The following EGFL8 variants were observed in gnomAD, a reference collection of about 807,000 sequenced individuals.
EGFL8 encodes epidermal growth factor-like protein 8.
In EGFL8, 32 loss-of-function variants were observed where a neutral mutation model predicts 39.4. The observed-to-expected ratio is 0.81, with a 90% CI of 0.61 to 1.09. The LOEUF is 1.09. Ranked by LOEUF, EGFL8 falls within the 50% of genes least tolerant of loss-of-function variation. EGFL8 has a pLI of 0.00. For missense variants in EGFL8, 385 were observed against 402.2 expected, an observed-to-expected ratio of 0.96 and a Z score of 0.37; for synonymous variants, 177 against 168.5, an observed-to-expected ratio of 1.05 and a Z score of -0.39.
In EGFL8 at chr6:32,166,006, T is replaced by G. The variant is rs1784451824; in HGVS notation, c.-28-132T>G. The G allele has an allele frequency of 4.3e-6, 3 of 693,704 alleles. No homozygotes were observed. The highest frequency in any genetic ancestry group is 7.8e-6 in the Non-Finnish European group (3 of 384,136). 43.0% of individuals were successfully genotyped at this position (693,704 alleles called of 1,614,324 possible). On this transcript the variant is annotated intron_variant, in intron 1 of 8. Transcript: ENST00000333845. This position sits in a 1 kb window ranked among gnomAD's most constrained non-coding sequence, Gnocchi z 7.3. ...TTGTACACACAGGTGTAGGCAATCCTGGTGGCTAGTATGTAAAAGTGAATG... is the reference window on the plus strand; with the variant it reads ...TTGTACACACAGGTGTAGGCAATCCGGGTGGCTAGTATGTAAAAGTGAATG...
In EGFL8 at chr6:32,167,363, A is replaced by C; in HGVS notation, c.615A>C (p.Glu205Asp). 6.2e-7 allele frequency: 1 copy of C among 1,613,074 alleles called. No homozygotes were observed. The highest frequency in any genetic ancestry group is 1.1e-5 in the South Asian group (1 of 91,084). Residue 205 changes from glutamate to aspartate, a missense_variant, in exon 7 of 9, where the codon GAA becomes GAC. Glu to Asp is a conservative substitution (Grantham distance 45). Transcript: ENST00000333845. The surrounding 1 kb of genome is among the most constrained non-coding windows in gnomAD (Gnocchi z 6.4). ...CTTTGTCCCTAGTTCGGGAGGCGGA[A>C]AAAGATGAGCGCGCTCTGAAGCAGG... Reference protein sequence around the residue: ...SILSVAVREAEKDERALKQEI... With the variant: ...SILSVAVREADKDERALKQEI...
chr6:32,166,527 T>A lies in EGFL8; in HGVS notation c.131T>A (p.Val44Glu). 6.2e-7 allele frequency: 1 copy of A among 1,613,828 alleles called. No individual in the cohort carries two copies. Among genetic ancestry groups the A allele is most frequent in the South Asian group, 1.1e-5 (1 of 91,086 alleles). ...SQGVCSKQTL[V>E]VPLHYNESYS... ...GGAGTCTGCTCCAAGCAGACACTGGTGGTCCCGCTCCACTACAACGAGTCC... is the reference window on the plus strand; with the variant it reads ...GGAGTCTGCTCCAAGCAGACACTGGAGGTCCCGCTCCACTACAACGAGTCC... The change falls in exon 3 of 9, where the codon GTG becomes GAG. Residue 44 changes from valine to glutamate, a missense_variant. By Grantham distance (121) the Val-to-Glu change is moderately radical (BLOSUM62 -2). Transcript: ENST00000333845. The surrounding 1 kb of genome is among the most constrained non-coding windows in gnomAD (Gnocchi z 7.3).
Position 32,168,007 on chromosome 6 carries a change from C to G in EGFL8, c.*51C>G. On this transcript the variant is annotated 3_prime_UTR_variant, in exon 9 of 9. Coordinates refer to ENST00000333845, the MANE Select transcript of EGFL8 (RefSeq NM_030652.4). This position sits in a 1 kb window ranked among gnomAD's most constrained non-coding sequence, Gnocchi z 4.5. Reference sequence around the variant, plus strand: ...CTAATTTATACAGAAACCGGACCCACTAATCCTCTGGGATTGGCCGACTGT... The same window carrying G: ...CTAATTTATACAGAAACCGGACCCAGTAATCCTCTGGGATTGGCCGACTGT... 6.3e-7 allele frequency: 1 copy of G among 1,583,360 alleles called. No individual in the cohort carries two copies. Among genetic ancestry groups the G allele is most frequent in the Non-Finnish European group, 8.7e-7 (1 of 1,152,246 alleles).
rs1268008014 is a variant in EGFL8, at chr6:32,166,074, G to A, written c.-28-64G>A. 1.5e-6 allele frequency: 2 copies of A among 1,296,486 alleles called. No homozygotes were observed. Among genetic ancestry groups the A allele is most frequent in the Non-Finnish European group, 2.2e-6 (2 of 898,652 alleles). The allele number at this position is 1,296,486 out of a possible 1,614,324, so 80.3% of individuals were successfully genotyped here. ...GGTACCTGCAGAGTGCCCTTGGAGG[G>A]ACTAGTGCTGGAGAAATTAATAGGA... On this transcript the variant is annotated intron_variant, in intron 1 of 8. Transcript: ENST00000333845. This position sits in a 1 kb window ranked among gnomAD's most constrained non-coding sequence, Gnocchi z 7.3.
chr6:32,167,386 A>C lies in EGFL8; in HGVS notation c.638A>C (p.Gln213Pro). 6.2e-7 allele frequency: 1 copy of C among 1,613,092 alleles called. No homozygotes were observed. The change falls in exon 7 of 9, where the codon CAG (glutamine) becomes CCG (proline). Residue 213 changes from glutamine to proline, a missense_variant. Gln to Pro is a moderately conservative substitution (Grantham distance 76). Coordinates refer to ENST00000333845, the MANE Select transcript of EGFL8 (RefSeq NM_030652.4). The surrounding 1 kb of genome is among the most constrained non-coding windows in gnomAD (Gnocchi z 6.4). ...EAEKDERALK[Q>P]EIHELRGRLE... Reference sequence around the variant, plus strand: ...GAAAAAGATGAGCGCGCTCTGAAGCAGGAGATTCACGAGCTGCGAGGGCGC... The same window carrying C: ...GAAAAAGATGAGCGCGCTCTGAAGCCGGAGATTCACGAGCTGCGAGGGCGC...
Position 32,166,516 on chromosome 6 carries a change from G to A in EGFL8, c.120G>A (p.Lys40=). 1 of 1,613,754 alleles carries A rather than the reference G, an allele frequency of 6.2e-7. No individual in the cohort carries two copies. Among genetic ancestry groups the A allele is most frequent in the African/African-American group, 1.3e-5 (1 of 75,034 alleles). Residue 40 remains lysine (K), a synonymous_variant, in exon 3 of 9, where the codon AAG becomes AAA. Coordinates refer to ENST00000333845, the MANE Select transcript of EGFL8 (RefSeq NM_030652.4). This position sits in a 1 kb window ranked among gnomAD's most constrained non-coding sequence, Gnocchi z 7.3. ...SLRESQGVCS[K]QTLVVPLHYN... is the part of the protein sequence containing the mutation. ...GACGCAGTCAGGGAGTCTGCTCCAAGCAGACACTGGTGGTCCCGCTCCACT... is the reference window on the plus strand; with the variant it reads ...GACGCAGTCAGGGAGTCTGCTCCAAACAGACACTGGTGGTCCCGCTCCACT...
In EGFL8 at chr6:32,167,733, C is replaced by T; in HGVS notation, c.835+77C>T. The T allele has an allele frequency of 3.9e-6, 6 of 1,553,380 alleles. No individual in the cohort carries two copies. Among genetic ancestry groups the T allele is most frequent in the Non-Finnish European group, 5.2e-6 (6 of 1,145,872 alleles). On this transcript the variant is annotated intron_variant, in intron 8 of 8. Transcript: ENST00000333845. The surrounding 1 kb of genome is among the most constrained non-coding windows in gnomAD (Gnocchi z 6.4). ...AGACCCCTCTCCATTCAGGCATTCC[C>T]TCTTTCCTCCAAGCCCCTCTCCAAC...
Position 32,167,101 on chromosome 6 carries a change from A to G in EGFL8, c.445A>G (p.Arg149Gly), listed in dbSNP as rs951849809. The G allele has an allele frequency of 2.5e-6, 4 of 1,613,048 alleles. No individual in the cohort carries two copies. Among genetic ancestry groups the G allele is most frequent in the Non-Finnish European group, 3.4e-6 (4 of 1,180,032 alleles). The change falls in exon 6 of 9, where the codon AGG becomes GGG. Residue 149 changes from arginine to glycine, a missense_variant. Coordinates refer to ENST00000333845, the MANE Select transcript of EGFL8 (RefSeq NM_030652.4). The surrounding 1 kb of genome is among the most constrained non-coding windows in gnomAD (Gnocchi z 6.4). ...TCGGTAACTAGACGTGGATGAATGT[A>G]GGACCAGCATCACCCTCTGCTCGCA... ...KHCHVDVDECRTSITLCSHHC... is the reference protein window; with the variant it reads ...KHCHVDVDECGTSITLCSHHC...
In EGFL8 at chr6:32,168,239, T is replaced by C; in HGVS notation, c.*283T>C. The C allele has an allele frequency of 2.2e-6, 1 of 455,904 alleles. No homozygotes were observed. The highest frequency in any genetic ancestry group is 3.9e-6 in the Non-Finnish European group (1 of 255,278). 28.2% of individuals were successfully genotyped at this position (455,904 alleles called of 1,614,324 possible). A position where few individuals can be genotyped will look rare whatever the true frequency, so the allele number is the denominator to read the frequency against. ...TCTCTCTCTCTTTATTTTCAGTTTT[T>C]TTGCTGTTATCCAGATAATTAATAA... On this transcript the variant is annotated 3_prime_UTR_variant, in exon 9 of 9. Coordinates refer to ENST00000333845, the MANE Select transcript of EGFL8 (RefSeq NM_030652.4). The surrounding 1 kb of genome is among the most constrained non-coding windows in gnomAD (Gnocchi z 4.5).
intron 1 of EGFL8, 140 bp from the exon 2 acceptor site, chr6:32,165,998 G>A (rs1784451464): frequency 2.9e-6 from 2 of 677,970 alleles, no homozygotes. Context: ...CACAGGTGTA[G>A]GCAATCCTGG....
rs1275444902 is a variant in EGFL8, at chr6:32,166,313, C to T, written c.101+47C>T. 2 of 1,605,508 alleles carry T rather than the reference C, an allele frequency of 1.2e-6. No individual in the cohort carries two copies. The highest frequency in any genetic ancestry group is 1.7e-5 in the Admixed American group (1 of 59,868). On this transcript the variant is annotated intron_variant, in intron 2 of 8. Coordinates refer to ENST00000333845, the MANE Select transcript of EGFL8 (RefSeq NM_030652.4). The surrounding 1 kb of genome is among the most constrained non-coding windows in gnomAD (Gnocchi z 7.3). ...CCCGGGGTGAGCTCTTCTCAGGAGC[C>T]TTCTGCTGGGGGTGGGGCTTCACAG...
Position 32,167,619 on chromosome 6 carries a change from C to G in EGFL8, c.798C>G (p.Ser266Arg). ...GGGGTGACCGGATCGAATCTCTCAG[C>G]GACCAGGTGCTGCTGCTGGAGGAGA... Reference protein sequence around the residue: ...WGRGDRIESLSDQVLLLEERL... With the variant: ...WGRGDRIESLRDQVLLLEERL... Residue 266 changes from serine (S) to arginine (R), a missense_variant, in exon 8 of 9, where the codon AGC becomes AGG. Ser to Arg is a moderately radical substitution (Grantham distance 110, BLOSUM62 -1). Coordinates refer to ENST00000333845, the MANE Select transcript of EGFL8 (RefSeq NM_030652.4). This position sits in a 1 kb window ranked among gnomAD's most constrained non-coding sequence, Gnocchi z 6.4. 6.2e-7 allele frequency: 1 copy of G among 1,610,800 alleles called. No homozygotes were observed. Among genetic ancestry groups the G allele is most frequent in the Non-Finnish European group, 8.5e-7 (1 of 1,179,722 alleles).
chr6:32,166,752 C>A lies in EGFL8; in HGVS notation c.276C>A (p.Thr92=). The A allele has an allele frequency of 6.3e-7, 1 of 1,583,196 alleles. No homozygotes were observed. The highest frequency in any genetic ancestry group is 8.6e-7 in the Non-Finnish European group (1 of 1,162,866). The change falls in exon 4 of 9, where the codon ACC becomes ACA. Residue 92 remains threonine (T), a synonymous_variant. Transcript: ENST00000333845. This position sits in a 1 kb window ranked among gnomAD's most constrained non-coding sequence, Gnocchi z 7.3. ...AGGTGAGGCGGGAGGTTCAGCAGAC[C>A]CATGCAGTGTGCTGCCAGGGCTGGA... ...WREVRREVQQ[T]HAVCCQGWKK... is the part of the protein sequence containing the mutation.
At position 32,166,141 on chromosome 6, in the gene EGFL8, G is replaced by A. The variant is rs753084800; in HGVS notation, c.-25G>A. ...ATTAACCTTTTCTTGCCTGCAGCCT[G>A]TAGGGTCCAGCGTCAAAGCGAATCA... On this transcript the variant is annotated 5_prime_UTR_variant, in exon 2 of 9. Transcript: ENST00000333845. This position sits in a 1 kb window ranked among gnomAD's most constrained non-coding sequence, Gnocchi z 7.3. The A allele has an allele frequency of 5.6e-6, 9 of 1,613,062 alleles. No individual in the cohort carries two copies. The highest frequency in any genetic ancestry group is 7.6e-6 in the Non-Finnish European group (9 of 1,179,144).
rs1318805659 is a variant in EGFL8 at position 32,166,965 on chromosome 6, C to T, written c.390C>T (p.Cys130=). 5.0e-6 allele frequency: 8 copies of T among 1,613,180 alleles called. No individual in the cohort carries two copies. Among genetic ancestry groups the T allele is most frequent in the South Asian group, 2.2e-5 (2 of 91,070 alleles). The change falls in exon 5 of 9, where the codon TGC becomes TGT. Residue 130 remains cysteine, a synonymous_variant. Coordinates refer to ENST00000333845, the MANE Select transcript of EGFL8 (RefSeq NM_030652.4). The surrounding 1 kb of genome is among the most constrained non-coding windows in gnomAD (Gnocchi z 7.3). ...GCGTCTGCGTTAGGCCTGACCAGTG[C>T]GAGTGCGCCCCCGGCTGGGGAGGGA... ...NGGVCVRPDQ[C]ECAPGWGGKH... is the part of the protein sequence containing the mutation.
At position 32,166,713 on chromosome 6, in the gene EGFL8, C is replaced by T. The variant is rs1179693044; in HGVS notation, c.237C>T (p.Arg79=). 1.4e-5 allele frequency: 22 copies of T among 1,603,396 alleles called. No individual in the cohort carries two copies. The highest frequency in any genetic ancestry group is 2.2e-5 in the South Asian group (2 of 90,190). Residue 79 remains arginine, a synonymous_variant, in exon 4 of 9, where the codon CGC becomes CGT. Coordinates refer to ENST00000333845, the MANE Select transcript of EGFL8 (RefSeq NM_030652.4). The surrounding 1 kb of genome is among the most constrained non-coding windows in gnomAD (Gnocchi z 7.3). The stretch of plus-strand genomic sequence containing the variant: ...CGCTGTGTTCCAGGACCATGTACCG[C>T]GTTATGTGGCGGGAGGTGAGGCGGG... ...RICSTYRTMY[R]VMWREVRREV...
At position 32,167,248 on chromosome 6, in the gene EGFL8, A is replaced by C; in HGVS notation, c.592A>C (p.Ser198Arg). Residue 198 changes from serine (S) to arginine (R), a missense_variant, in exon 6 of 9, where the codon AGC becomes CGC. Coordinates refer to ENST00000333845, the MANE Select transcript of EGFL8 (RefSeq NM_030652.4). The surrounding 1 kb of genome is among the most constrained non-coding windows in gnomAD (Gnocchi z 6.4). ...GCCCCCAACCAGTGCCAGCATACTC[A>C]GCGTGGCCGGTGAGTGGGCAGGAGT... ...PEPPTSASIL[S>R]VAVREAEKDE... 6.2e-7 allele frequency: 1 copy of C among 1,611,942 alleles called. No individual in the cohort carries two copies. Among genetic ancestry groups the C allele is most frequent in the Non-Finnish European group, 8.5e-7 (1 of 1,179,392 alleles).
rs1784602298 is a variant in EGFL8, at chr6:32,167,292, T to C, written c.601+35T>C. 1.4e-6 allele frequency: 2 copies of C among 1,431,026 alleles called. No homozygotes were observed. Among genetic ancestry groups the C allele is most frequent in the Non-Finnish European group, 1.9e-6 (2 of 1,037,138 alleles). 88.6% of individuals were successfully genotyped at this position (1,431,026 alleles called of 1,614,324 possible). A position where few individuals can be genotyped will look rare whatever the true frequency, so the allele number is the denominator to read the frequency against. ...CAGGAGTACGGGCCACCCGAGGGACTCGGGACGGGCGTCCGGGCTCGGGTA... is the reference window on the plus strand; with the variant it reads ...CAGGAGTACGGGCCACCCGAGGGACCCGGGACGGGCGTCCGGGCTCGGGTA... On this transcript the variant is annotated intron_variant, in intron 6 of 8. Coordinates refer to ENST00000333845, the MANE Select transcript of EGFL8 (RefSeq NM_030652.4). This position sits in a 1 kb window ranked among gnomAD's most constrained non-coding sequence, Gnocchi z 6.4.
Position 32,167,968 on chromosome 6 carries a change from A to G in EGFL8, c.*12A>G. ...TCAATCATCGATAAGAAGCCTCTACAGCACCCCTGCCCCCTAATTTATACA... is the reference window on the plus strand; with the variant it reads ...TCAATCATCGATAAGAAGCCTCTACGGCACCCCTGCCCCCTAATTTATACA... On this transcript the variant is annotated 3_prime_UTR_variant, in exon 9 of 9. Transcript: ENST00000333845. This position sits in a 1 kb window ranked among gnomAD's most constrained non-coding sequence, Gnocchi z 6.4. 6.2e-7 allele frequency: 1 copy of G among 1,614,100 alleles called. No individual in the cohort carries two copies.
Sources: allele counts gnomAD v4.1 joint callset, GRCh38; gene constraint gnomAD v4.1.1; non-coding constraint Gnocchi (gnomAD v3.1); transcripts MANE v1.5; gene names NCBI Gene and HGNC (gene_info 2026-07-23, HGNC 2026-07-21).